Variants in RTL9 observed in about 807,000 individuals in gnomAD.
RTL9 encodes the protein retrotransposon Gag-like protein 9.
A neutral mutation model predicts 44.7 loss-of-function variants in RTL9; 19 were observed. That is an observed-to-expected ratio of 0.42 (90% CI 0.30 to 0.62). The LOEUF (loss-of-function observed/expected upper bound fraction) is 0.62, where lower values mean the gene tolerates loss of function less well. Among genes scored for constraint, RTL9 ranks in the 20% least tolerant of loss-of-function variants. The pLI is 0.16. For missense variants in RTL9, 1,105 were observed against 1,080.6 expected (o/e 1.02, Z -0.32); for synonymous variants, 407 against 398.9 (o/e 1.02, Z -0.24).
upstream of RTL9, among the ~76,000 whole-genome samples, chrX:110,450,244 A>C (rs1362508168): frequency 5.4e-5 from 6 of 111,358 alleles, no homozygotes; most frequent in African/African-American, 2.0e-4. Context: ...AGGAATCCGC[A>C]TTTCTCACAT....
chrX:110,386,909 A>T (rs770414363), intron 1 of RTL9, among the ~76,000 whole-genome samples: 1 of 112,427 alleles, frequency 8.9e-6, no homozygotes, highest in Non-Finnish European at 1.9e-5. Flanking sequence ...TTAAATAATT[A>T]TAACATGTTT....
intron 1 of RTL9, among the ~76,000 whole-genome samples, chrX:110,422,455 C>A (rs779736599): frequency 1.8e-5 from 2 of 112,863 alleles, no homozygotes; most frequent in East Asian, 5.5e-4. Flanking sequence ...GACCAGGAGG[C>A]AAAGCCATAT....
intron 1 of RTL9, among the ~76,000 whole-genome samples, chrX:110,403,455 GAC>G (rs919662922): frequency 1.8e-5 from 2 of 111,504 alleles, no homozygotes; most frequent in Admixed American, 9.5e-5. Context: ...CAGACAGACA[GAC>G]ACACACACAC....
At chrX:110,388,113 C>T (rs576691814) in intron 1 of RTL9, among the ~76,000 whole-genome samples, 5 of 111,087 alleles carry the variant, frequency 4.5e-5, no homozygotes, top group Admixed American at 9.5e-5. Context: ...ATGATCTGCC[C>T]GCCTCAGCCT....
intron 1 of RTL9, among the ~76,000 whole-genome samples, chrX:110,382,383 C>T (rs1440026490): frequency 9.0e-6 from 1 of 110,833 alleles, no homozygotes; most frequent in Non-Finnish European, 1.9e-5. Context: ...CAAAGGCAGC[C>T]AGGATCTGGG....
intron 1 of RTL9, among the ~76,000 whole-genome samples, chrX:110,403,693 C>A (rs140663280): frequency 8.9e-6 from 1 of 111,906 alleles, no homozygotes; most frequent in Non-Finnish European, 1.9e-5. Context: ...AGCCTTTGTA[C>A]GTTTATGACA....
intron 1 of RTL9, among the ~76,000 whole-genome samples, chrX:110,438,682 AT>A (rs982218776): frequency 8.3e-5 from 9 of 107,837 alleles, no homozygotes; most frequent in Non-Finnish European, 1.4e-4. Flanking sequence ...TCCTGTCTTG[AT>A]TTTTTTTTTA....
chrX:110,393,586 C>T (rs1037068422), intron 1 of RTL9, among the ~76,000 whole-genome samples: 4 of 112,113 alleles, frequency 3.6e-5, no homozygotes, highest in Non-Finnish European at 7.5e-5. Flanking sequence ...ACTGGTGCCT[C>T]TAAAAGTTTC....
intron 1 of RTL9, among the ~76,000 whole-genome samples, chrX:110,442,317 A>G (rs2068887254): frequency 9.7e-6 from 1 of 102,575 alleles, no homozygotes; most frequent in African/African-American, 3.7e-5. Flanking sequence ...CCAGCTTTCT[A>G]TCTGAAATTT....
intron 1 of RTL9, among the ~76,000 whole-genome samples, chrX:110,444,464 C>G (rs1243021655): frequency 8.9e-6 from 1 of 112,576 alleles, no homozygotes; most frequent in African/African-American, 3.2e-5. Context: ...AGCAGTCCAC[C>G]GTGCAATGAG....
At chrX:110,370,999 T>A (rs1007117155) in intron 1 of RTL9, among the ~76,000 whole-genome samples, 2 of 112,042 alleles carry the variant, frequency 1.8e-5, no homozygotes, top group African/African-American at 6.5e-5. Context: ...CAAATACCCC[T>A]TAAGATTCCT....
At chrX:110,367,973 AATTATTATTATTATTATTATT>A (rs201193443) in intron 1 of RTL9, among the ~76,000 whole-genome samples, 1 of 85,333 alleles carries the variant, frequency 1.2e-5, no homozygotes, top group Non-Finnish European at 2.3e-5. Flanking sequence ...AGTGCTGGCT[AATTATTATTATTATTATTATT>A]ATTATTATTA....
intron 1 of RTL9, among the ~76,000 whole-genome samples, chrX:110,409,788 A>G (rs185461157): frequency 9.0e-6 from 1 of 111,489 alleles, no homozygotes; most frequent in East Asian, 2.8e-4. Context: ...ATGGGCTCCC[A>G]CTTAGCAAGA....
intron 1 of RTL9, among the ~76,000 whole-genome samples, chrX:110,381,494 C>T (rs2068418680): frequency 1.8e-5 from 2 of 111,662 alleles, no homozygotes; most frequent in South Asian, 7.5e-4. Flanking sequence ...GTTAGTTCAG[C>T]CCCTGTGGAA....
chrX:110,376,448 T>C (rs1481245485), intron 1 of RTL9, among the ~76,000 whole-genome samples: 1 of 111,461 alleles, frequency 9.0e-6, no homozygotes, highest in Non-Finnish European at 1.9e-5. Flanking sequence ...CATGGCTCTA[T>C]TCTATTAGCC....
chrX:110,453,083 A>G (rs148933529), exon 1 of RTL9: 55 of 1,209,728 alleles, frequency 4.5e-5, no homozygotes, highest in Non-Finnish European at 5.5e-5. Context: ...CTGCTCCACA[A>G]ATGACAGCCA....
chrX:110,426,532 T>C (rs2068755497), intron 1 of RTL9: 1 of 112,441 alleles, frequency 8.9e-6, no homozygotes, highest in Non-Finnish European at 1.9e-5. Flanking sequence ...GCTTTGTTGG[T>C]TATGTAAGAA....
At chrX:110,398,322 G>A (rs2068541872) in intron 1 of RTL9, among the ~76,000 whole-genome samples, 1 of 110,004 alleles carries the variant, frequency 9.1e-6, no homozygotes, top group Non-Finnish European at 1.9e-5. Context: ...TGGCTGGGAG[G>A]GGGAAAAGAA....
chrX:110,440,668 A>G (rs2068873891), intron 1 of RTL9, among the ~76,000 whole-genome samples: 1 of 112,674 alleles, frequency 8.9e-6, no homozygotes, highest in East Asian at 2.8e-4. Flanking sequence ...TGCATTTCAA[A>G]CAAAGGAACT....
Sources: allele counts gnomAD v4.1 joint callset (sites outside exome capture counted in the v4.1 genomes callset), GRCh38; gene constraint gnomAD v4.1.1; transcripts MANE v1.5; gene names NCBI Gene and HGNC (gene_info 2026-07-23, HGNC 2026-07-21).